The following THSD7B variants were observed in gnomAD, a reference collection of about 807,000 sequenced individuals.
THSD7B encodes the protein thrombospondin type-1 domain-containing protein 7B.
In THSD7B, 138 loss-of-function variants were observed where a neutral mutation model predicts 213.6. The observed-to-expected ratio is 0.65, with a 90% CI of 0.56 to 0.74. The LOEUF is 0.74. THSD7B is among the 30% of genes least tolerant of loss of function. The pLI, the probability that THSD7B is intolerant of heterozygous loss-of-function variation, is 0.00. For missense variants in THSD7B, 1,931 were observed against 1,991.5 expected (o/e 0.97, Z 0.58); for synonymous variants, 742 against 687.0 (o/e 1.08, Z -1.25).
At chr2:137,033,141 C>A (rs1421627064) in intron 2 of THSD7B, among the ~76,000 whole-genome samples, 4 of 176 alleles carry the variant, frequency 0.023, no homozygotes, top group Non-Finnish European at 0.037. Context: ...ACTCAGTGGC[C>A]CTAAAAATAT....
At chr2:136,965,031 G>T (rs1319799655) in intron 2 of THSD7B, among the ~76,000 whole-genome samples, 2 of 147,364 alleles carry the variant, frequency 1.4e-5, no homozygotes, top group South Asian at 2.1e-4. Flanking sequence ...AAAAAAAAAG[G>T]GTTGTTTATA....
At chr2:137,257,395 G>A (rs1682336081) in intron 10 of THSD7B, among the ~76,000 whole-genome samples, 1 of 152,170 alleles carries the variant, frequency 6.6e-6, no homozygotes. Flanking sequence ...CTGGATTTCA[G>A]CAAGGCACAG....
intron 20 of THSD7B, among the ~76,000 whole-genome samples, chr2:137,627,434 G>A (rs752215111): frequency 1.4e-4 from 21 of 152,290 alleles, no homozygotes; most frequent in Admixed American, 3.9e-4. Context: ...GGGAGGATGG[G>A]ATACCAGGAC....
At chr2:137,283,313 A>T (rs1683081997) in intron 12 of THSD7B, among the ~76,000 whole-genome samples, 3 of 152,118 alleles carry the variant, frequency 2.0e-5, no homozygotes, top group Admixed American at 2.0e-4. Flanking sequence ...GGCTGAGATG[A>T]TGGGGTTTTC....
rs868800454 is a variant in THSD7B at position 136,894,612 on chromosome 2, T to C, written c.139+12295T>C. On this transcript the variant is annotated intron_variant, in intron 2 of 27. Coordinates refer to ENST00000409968, the MANE Select transcript of THSD7B (RefSeq NM_001316349.2). Reference sequence around the variant, plus strand: ...TTACGTGCTTGAGTCATATAAAGCATGTAACTAATGCTACTTTTTATTTCT... The same window carrying C: ...TTACGTGCTTGAGTCATATAAAGCACGTAACTAATGCTACTTTTTATTTCT... Among the ~76,000 whole-genome samples, 20 of 152,282 alleles carry C rather than the reference T, an allele frequency of 1.3e-4. 1 individual carries two copies. The highest frequency in any genetic ancestry group is 8.3e-4 in the South Asian group (4 of 4,830).
intron 2 of THSD7B, among the ~76,000 whole-genome samples, chr2:136,890,685 A>C (rs1316748018): frequency 6.7e-6 from 1 of 150,208 alleles, no homozygotes; most frequent in Non-Finnish European, 1.5e-5. Context: ...GATTACAGGC[A>C]TCCACCAACA....
intron 2 of THSD7B, among the ~76,000 whole-genome samples, chr2:136,935,066 A>T (rs1201353329): frequency 6.6e-6 from 1 of 152,184 alleles, no homozygotes; most frequent in Non-Finnish European, 1.5e-5. Flanking sequence ...GAGTTTGATT[A>T]TGAGAATAGG....
In THSD7B at chr2:137,012,430, A is replaced by G. The variant is rs562856976; in HGVS notation, c.140-43990A>G. Among the ~76,000 whole-genome samples the G allele has an allele frequency of 9.8e-5, 15 of 152,312 alleles. No individual in the cohort carries two copies. The South Asian group carries it at 3.1e-3, about 32-fold the overall frequency. ...TTGGTAACAAGCTCTTTTGAGGACA[A>G]TGTATGGAAAGATGCATCTAATCAC... On this transcript the variant is annotated intron_variant, in intron 2 of 27. Coordinates refer to ENST00000409968, the MANE Select transcript of THSD7B (RefSeq NM_001316349.2).
intron 2 of THSD7B, among the ~76,000 whole-genome samples, chr2:136,888,373 A>G (rs182086889): frequency 1.3e-5 from 2 of 152,240 alleles, no homozygotes; most frequent in East Asian, 1.9e-4. Context: ...ATATTTAGTT[A>G]TAGCTTAAAT....
At chr2:137,665,196 T>C (rs2104825129) in intron 26 of THSD7B, among the ~76,000 whole-genome samples, 1 of 152,338 alleles carries the variant, frequency 6.6e-6, no homozygotes, top group East Asian at 1.9e-4. Flanking sequence ...TGATATTAAA[T>C]ATAGCCAGGT....
intron 1 of THSD7B, among the ~76,000 whole-genome samples, chr2:136,824,638 G>A (rs1431917366): frequency 6.6e-6 from 1 of 152,142 alleles, no homozygotes; most frequent in East Asian, 1.9e-4. Flanking sequence ...TCCTGTTTCT[G>A]ATAGCTAAGG....
intron 17 of THSD7B, among the ~76,000 whole-genome samples, chr2:137,574,600 G>C (rs1393332337): frequency 6.6e-6 from 1 of 152,084 alleles, no homozygotes; most frequent in Admixed American, 6.6e-5. Flanking sequence ...TGGCCACTCA[G>C]GTCTGTCTGA....
At chr2:136,970,465 AAAAAC>A (rs1471421627) in intron 2 of THSD7B, among the ~76,000 whole-genome samples, 11 of 152,252 alleles carry the variant, frequency 7.2e-5, no homozygotes, top group African/African-American at 2.2e-4. Flanking sequence ...TCTGTCTCAA[AAAAAC>A]AAACAAACAA....
chr2:137,233,090 G>T lies in THSD7B; in HGVS notation c.2107G>T (p.Val703Phe), dbSNP rs774319975. ...TCGVGIQTRR[V>F]FCVKSHVGQV... The stretch of plus-strand genomic sequence containing the variant: ...TGGTGTAGGCATTCAGACTCGGAGA[G>T]TCTTCTGTGTCAAGAGTCACGTGGG... The change falls in exon 9 of 28, where the codon GTC (valine) becomes TTC (phenylalanine). Residue 703 changes from valine to phenylalanine, a missense_variant. Transcript: ENST00000409968. 1 of 1,613,862 alleles carries T rather than the reference G, an allele frequency of 6.2e-7. No individual in the cohort carries two copies. The highest frequency in any genetic ancestry group is 2.2e-5 in the East Asian group (1 of 44,878).
chr2:136,806,030 G>T (rs1682276369), intron 1 of THSD7B, among the ~76,000 whole-genome samples: 1 of 152,256 alleles, frequency 6.6e-6, no homozygotes, highest in Non-Finnish European at 1.5e-5. Flanking sequence ...ACTCAGTGCT[G>T]GTGCCCACTT....
chr2:137,310,490 C>T (rs1449185418), intron 12 of THSD7B, among the ~76,000 whole-genome samples: 2 of 150,144 alleles, frequency 1.3e-5, no homozygotes, highest in Non-Finnish European at 3.0e-5. Context: ...TTTTGCTGTG[C>T]AGAAGCTCTT....
chr2:137,072,161 G>A (rs1359926585), intron 3 of THSD7B, among the ~76,000 whole-genome samples: 11 of 152,102 alleles, frequency 7.2e-5, no homozygotes. Context: ...TTGGTAGCTT[G>A]ATGAGGATGG....
intron 12 of THSD7B, among the ~76,000 whole-genome samples, chr2:137,388,592 T>C (rs540687681): frequency 9.9e-5 from 15 of 152,062 alleles, no homozygotes; most frequent in Non-Finnish European, 1.6e-4. Flanking sequence ...CCCTAGTCTC[T>C]TATCAAACAT....
chr2:136,854,435 C>T (rs1683148574), intron 1 of THSD7B, among the ~76,000 whole-genome samples: 1 of 151,770 alleles, frequency 6.6e-6, no homozygotes, highest in Non-Finnish European at 1.5e-5. Flanking sequence ...CATAAGTGGG[C>T]ACATTTCCTT....
Sources: gnomAD v4.1 joint callset for allele counts (sites outside exome capture counted in the v4.1 genomes callset) on GRCh38, gnomAD v4.1.1 for gene constraint, MANE v1.5 for transcripts, NCBI Gene and HGNC (gene_info 2026-07-23, HGNC 2026-07-21) for gene names.